ASZ1: variants seen among roughly 807,000 people sequenced by gnomAD.
ASZ1 encodes the protein ankyrin repeat, SAM and basic leucine zipper domain-containing protein 1.
ASZ1 carries 67 observed loss-of-function variants against 61.8 expected under a neutral mutation model. The observed-to-expected ratio is 1.08, with a 90% confidence interval of 0.89 to 1.33. The LOEUF (loss-of-function observed/expected upper bound fraction) is 1.33, where lower values mean the gene tolerates loss of function less well. Ranked by LOEUF, ASZ1 falls within the 40% of genes most tolerant of loss-of-function variation. ASZ1 has a pLI of 0.00. For synonymous variants in ASZ1, 193 were observed against 192.7 expected (o/e 1.00, Z -0.01); for missense variants, 577 against 554.5 (o/e 1.04, Z -0.41).
Position 117,422,261 on chromosome 7 carries a change from C to T in ASZ1, c.304G>A (p.Gly102Ser). Residue 102 changes from glycine (G) to serine (S), a missense_variant, in exon 3 of 13, where the codon GGT (glycine) becomes AGT (serine). Coordinates refer to ENST00000284629, the MANE Select transcript of ASZ1 (RefSeq NM_130768.3). ...AELVRVLLDR[G>S]ANASFEKDKQ... ...CCCTTCTCAAAGCTTGCATTAGCAC[C>T]TCTGTCCAAAAGGACCCGAACCAGC... 2 of 1,613,820 alleles carry T rather than the reference C, an allele frequency of 1.2e-6. No individual in the cohort carries two copies. The highest frequency in any genetic ancestry group is 1.1e-5 in the South Asian group (1 of 91,028).
chr7:117,363,473 A>C lies in ASZ1; in HGVS notation c.*123T>G. The C allele has an allele frequency of 1.1e-6, 1 of 874,166 alleles. No homozygotes were observed. 54.2% of individuals were successfully genotyped at this position (874,166 alleles called of 1,614,324 possible). On this transcript the variant is annotated 3_prime_UTR_variant, in exon 13 of 13. Coordinates refer to ENST00000284629, the MANE Select transcript of ASZ1 (RefSeq NM_130768.3). ...TTTAAAAAAAAACTCCACATTGTCAAAATTTTTCCTATGGAATATTGGCAA... is the reference window on the plus strand; with the variant it reads ...TTTAAAAAAAAACTCCACATTGTCACAATTTTTCCTATGGAATATTGGCAA...
At chr7:117,379,140 TA>T (rs1270958866) in intron 10 of ASZ1, among the ~76,000 whole-genome samples, 1 of 92,336 alleles carries the variant, frequency 1.1e-5, no homozygotes, top group Non-Finnish European at 2.0e-5. Flanking sequence ...AAATTATATA[TA>T]TATATATATA....
At chr7:117,391,940 C>T (rs1796478667) in intron 4 of ASZ1, among the ~76,000 whole-genome samples, 1 of 151,952 alleles carries the variant, frequency 6.6e-6, no homozygotes, top group African/African-American at 2.4e-5. Context: ...TACAGGCGTG[C>T]ACCACCAGGC....
At position 117,383,124 on chromosome 7, in the gene ASZ1, A is replaced by T. The variant is rs1796286652; in HGVS notation, c.688-14T>A. 1 of 1,530,392 alleles carries T rather than the reference A, an allele frequency of 6.5e-7. No individual in the cohort carries two copies. Among genetic ancestry groups the T allele is most frequent in the South Asian group, 1.3e-5 (1 of 78,464 alleles). The allele number at this position is 1,530,392 out of a possible 1,614,324, so 94.8% of individuals were successfully genotyped here. A position where few individuals can be genotyped will look rare whatever the true frequency, so the allele number is the denominator to read the frequency against. On this transcript the variant is annotated splice_polypyrimidine_tract_variant and intron_variant, in intron 6 of 12. Transcript: ENST00000284629. ...TAAGTTGAAGATCTGAAAAAAGTTA[A>T]CATCATTCAAATATAATTAACATTG...
At chr7:117,390,711 AT>A (rs1796448316) in intron 4 of ASZ1, among the ~76,000 whole-genome samples, 1 of 151,866 alleles carries the variant, frequency 6.6e-6, no homozygotes, top group Non-Finnish European at 1.5e-5. Flanking sequence ...TTGACTTTTA[AT>A]TATTTTTTTG....
chr7:117,397,789 C>G (rs970238539), intron 4 of ASZ1, among the ~76,000 whole-genome samples: 1 of 152,176 alleles, frequency 6.6e-6, no homozygotes, highest in African/African-American at 2.4e-5. Context: ...CCCCTACAAG[C>G]CTCTCTGTTC....
intron 4 of ASZ1, among the ~76,000 whole-genome samples, chr7:117,398,871 C>T (rs574701770): frequency 1.3e-5 from 2 of 152,232 alleles, no homozygotes; most frequent in African/African-American, 2.4e-5. Context: ...GCACGTGCAC[C>T]TACCTCTAAA....
chr7:117,418,740 T>C (rs1219353107), intron 4 of ASZ1, among the ~76,000 whole-genome samples: 4 of 151,826 alleles, frequency 2.6e-5, no homozygotes, highest in East Asian at 1.9e-4. Context: ...GGCAGGCAGA[T>C]TGCTTGAGCC....
intron 4 of ASZ1, among the ~76,000 whole-genome samples, chr7:117,414,076 T>C (rs964076735): frequency 6.6e-6 from 1 of 151,980 alleles, no homozygotes; most frequent in African/African-American, 2.4e-5. Flanking sequence ...ATGAAAGATA[T>C]TGAGGATACA....
intron 4 of ASZ1, among the ~76,000 whole-genome samples, chr7:117,401,054 T>C (rs1295710795): frequency 1.3e-5 from 2 of 152,112 alleles, no homozygotes; most frequent in African/African-American, 4.8e-5. Flanking sequence ...GAAACAAGAT[T>C]AATGAAATCG....
At position 117,382,017 on chromosome 7, in the gene ASZ1, C is replaced by T. The variant is rs372808264; in HGVS notation, c.888+52G>A. 379 of 1,158,258 alleles carry T rather than the reference C, an allele frequency of 3.3e-4. 1 individual carries two copies. The highest frequency in any genetic ancestry group is 1.9e-4 in the Middle Eastern group (1 of 5,160). 71.7% of individuals were successfully genotyped at this position (1,158,258 alleles called of 1,614,324 possible). On this transcript the variant is annotated intron_variant, in intron 8 of 12. Transcript: ENST00000284629. ...GAATTAATATCTAACATTATATTAA[C>T]CAACAAATTAACATATATGCATAAC...
Position 117,367,428 on chromosome 7 carries a change from G to C in ASZ1, c.1199C>G (p.Ser400Ter). 1 of 1,555,830 alleles carries C rather than the reference G, an allele frequency of 6.4e-7. No individual in the cohort carries two copies. The highest frequency in any genetic ancestry group is 1.2e-5 in the South Asian group (1 of 80,356). ...ATTATTAACCAATTCTTCACAAACT[G>C]AAGTAAAATTCTGGGGAGAAGCCCA... is the stretch of plus-strand genomic sequence containing the variant. ...LEWASPQNFT[S>*]VCEELVNNVE... Residue 400 changes from serine to a stop codon, truncating the protein, a stop_gained, in exon 12 of 13, where the codon TCA (serine) becomes TGA (stop). Transcript: ENST00000284629. LOFTEE classifies it high-confidence loss of function.
intron 4 of ASZ1, among the ~76,000 whole-genome samples, chr7:117,388,710 C>T (rs915143781): frequency 6.6e-6 from 1 of 152,102 alleles, no homozygotes; most frequent in African/African-American, 2.4e-5. Flanking sequence ...AGAGTACTTT[C>T]CCCCAACATC....
chr7:117,377,615 A>G (rs1796160840), intron 10 of ASZ1, among the ~76,000 whole-genome samples: 1 of 152,220 alleles, frequency 6.6e-6, no homozygotes, highest in African/African-American at 2.4e-5. Flanking sequence ...CTAAATGTCA[A>G]TTATACCTAA....
intron 4 of ASZ1, among the ~76,000 whole-genome samples, chr7:117,399,568 ATT>A (rs1176455484): frequency 6.6e-6 from 1 of 151,686 alleles, no homozygotes; most frequent in Non-Finnish European, 1.5e-5. Flanking sequence ...ACATTAAGTG[ATT>A]TTTTTTCTTC....
intron 5 of ASZ1, among the ~76,000 whole-genome samples, chr7:117,385,341 C>T (rs1796333086): frequency 6.6e-6 from 1 of 152,086 alleles, no homozygotes; most frequent in Non-Finnish European, 1.5e-5. Flanking sequence ...CTCACTACAA[C>T]CTCTGCCTCT....
chr7:117,399,436 T>C (rs1796636674), intron 4 of ASZ1, among the ~76,000 whole-genome samples: 1 of 152,226 alleles, frequency 6.6e-6, no homozygotes, highest in Admixed American at 6.5e-5. Context: ...TAAATGCCTA[T>C]AGCCTTGGAA....
intron 10 of ASZ1, among the ~76,000 whole-genome samples, chr7:117,370,804 TTGTGTGTGTG>T (rs3138784): frequency 3.5e-4 from 46 of 133,302 alleles, no homozygotes; most frequent in South Asian, 5.1e-4. Flanking sequence ...CCAAAGGTAA[TTGTGTGTGTG>T]TGTGTGTGTG....
At chr7:117,377,865 G>C (rs934423511) in intron 10 of ASZ1, among the ~76,000 whole-genome samples, 1 of 151,938 alleles carries the variant, frequency 6.6e-6, no homozygotes, top group Admixed American at 6.6e-5. Context: ...CCAGAATAGA[G>C]AACCCAGATT....
Sources: gnomAD v4.1 joint callset for allele counts (sites outside exome capture counted in the v4.1 genomes callset) on GRCh38, gnomAD v4.1.1 for gene constraint, MANE v1.5 for transcripts, NCBI Gene and HGNC (gene_info 2026-07-23, HGNC 2026-07-21) for gene names.